Variants in GALNT17 observed in about 807,000 individuals in gnomAD.
GALNT17 encodes UDP-GalNAc:polypeptide N-acetylgalactosaminyltransferase-like 3.
In GALNT17, 29 loss-of-function variants were observed where a neutral mutation model predicts 63.7. The ratio of observed to expected loss-of-function variants is 0.46; its 90% CI spans 0.34 to 0.62. The LOEUF is 0.62. Ranked by LOEUF, GALNT17 falls within the 20% of genes least tolerant of loss-of-function variation. The pLI is 0.01. For synonymous variants in GALNT17, 305 were observed against 318.3 expected, an observed-to-expected ratio of 0.96 and a Z score of 0.45; for missense variants, 603 against 799.6, an observed-to-expected ratio of 0.75 and a Z score of 2.97.
rs553833126 is a variant in GALNT17 at position 71,703,842 on chromosome 7, G to A, written c.1501-6919G>A. 2.0e-5 allele frequency among the ~76,000 whole-genome samples: 3 copies of A among 152,330 alleles called. No homozygotes were observed. In the East Asian group the frequency reaches 5.8e-4, roughly 29 times the overall value. ...GTCAGAGACCGAAGGAAATGAGAGT[G>A]AAGGAAGACAGGTTTTTGAGAAGTA... On this transcript the variant is annotated intron_variant, in intron 9 of 10. Coordinates refer to ENST00000333538, the MANE Select transcript of GALNT17 (RefSeq NM_022479.3).
chr7:71,485,757 G>A (rs1488075994), intron 5 of GALNT17, among the ~76,000 whole-genome samples: 1 of 152,154 alleles, frequency 6.6e-6, no homozygotes, highest in Non-Finnish European at 1.5e-5. Flanking sequence ...CCTCCTGTGG[G>A]TTCTGACATT....
chr7:71,637,822 C>T (rs528706726), intron 6 of GALNT17, among the ~76,000 whole-genome samples: 25 of 152,178 alleles, frequency 1.6e-4, no homozygotes, highest in African/African-American at 6.0e-4. Context: ...AAAGGGGTCC[C>T]GATCCAGAGG....
At chr7:71,155,732 A>G (rs1302071113) in intron 1 of GALNT17, among the ~76,000 whole-genome samples, 1 of 151,818 alleles carries the variant, frequency 6.6e-6, no homozygotes, top group Non-Finnish European at 1.5e-5. Flanking sequence ...TAAATAACAC[A>G]TCCTGGAAAC....
intron 5 of GALNT17, among the ~76,000 whole-genome samples, chr7:71,502,458 C>T (rs1788196427): frequency 6.6e-6 from 1 of 152,172 alleles, no homozygotes; most frequent in South Asian, 2.1e-4. Flanking sequence ...TGTCCTTCTT[C>T]ACATGATGGC....
intron 2 of GALNT17, among the ~76,000 whole-genome samples, chr7:71,379,610 T>C (rs981551260): frequency 6.6e-6 from 1 of 151,946 alleles, no homozygotes; most frequent in African/African-American, 2.4e-5. Flanking sequence ...ATCTGCAGGA[T>C]TTGGTGACCG....
intron 2 of GALNT17, among the ~76,000 whole-genome samples, chr7:71,347,807 AGGT>A (rs1792122155): frequency 1.3e-5 from 2 of 152,086 alleles, no homozygotes; most frequent in African/African-American, 4.8e-5. Context: ...GGATGTTCTG[AGGT>A]CATGGGAGAC....
intron 6 of GALNT17, among the ~76,000 whole-genome samples, chr7:71,581,719 A>G (rs187227268): frequency 5.9e-5 from 9 of 152,302 alleles, no homozygotes; most frequent in Admixed American, 3.3e-4. Context: ...ACTGACTGCA[A>G]TCCCCTAAAT....
chr7:71,329,251 G>C (rs980640956), intron 1 of GALNT17, among the ~76,000 whole-genome samples: 1 of 152,120 alleles, frequency 6.6e-6, no homozygotes, highest in Non-Finnish European at 1.5e-5. Context: ...GTGAGGGGAA[G>C]TTAGCAAGTA....
At chr7:71,568,342 C>T (rs554266532) in intron 5 of GALNT17, among the ~76,000 whole-genome samples, 7 of 152,114 alleles carry the variant, frequency 4.6e-5, no homozygotes, top group East Asian at 3.9e-4. Flanking sequence ...AGTGCATACA[C>T]GAGATGTGCG....
intron 5 of GALNT17, among the ~76,000 whole-genome samples, chr7:71,535,001 A>C (rs1217803516): frequency 6.6e-6 from 1 of 152,130 alleles, no homozygotes; most frequent in South Asian, 2.1e-4. Context: ...TTCTGTACAA[A>C]GAGAGGAGAA....
intron 5 of GALNT17, among the ~76,000 whole-genome samples, chr7:71,565,668 A>G (rs1359322409): frequency 6.6e-6 from 1 of 152,022 alleles, no homozygotes; most frequent in Non-Finnish European, 1.5e-5. Context: ...ATGAGAAATG[A>G]CAGGCATAAC....
chr7:71,599,578 A>G (rs1261865370), intron 6 of GALNT17, among the ~76,000 whole-genome samples: 3 of 152,006 alleles, frequency 2.0e-5, no homozygotes, highest in African/African-American at 7.2e-5. Context: ...TTTTAAGCCT[A>G]GGCTGTTTCT....
intron 5 of GALNT17, among the ~76,000 whole-genome samples, chr7:71,535,098 A>C (rs928298774): frequency 3.3e-5 from 5 of 152,164 alleles, no homozygotes; most frequent in African/African-American, 1.2e-4. Context: ...CTTTGGACCA[A>C]TGGGAAGATG....
In GALNT17 at chr7:71,234,978, C is replaced by T. The variant is rs142685209; in HGVS notation, c.239-100572C>T. Among the ~76,000 whole-genome samples the T allele has an allele frequency of 4.5e-4, 69 of 152,238 alleles. No individual in the cohort carries two copies. In the East Asian group the frequency reaches 0.012, roughly 27 times the overall value. On this transcript the variant is annotated intron_variant, in intron 1 of 10. Coordinates refer to ENST00000333538, the MANE Select transcript of GALNT17 (RefSeq NM_022479.3). ...AAAGTTCGGTCTGTTCAGCGGGGCG[C>T]GGTGGCTCATGCCTGTAATCCTAGC...
At chr7:71,358,482 G>A (rs534885864) in intron 2 of GALNT17, among the ~76,000 whole-genome samples, 6 of 152,308 alleles carry the variant, frequency 3.9e-5, no homozygotes, top group Middle Eastern at 3.4e-3. Flanking sequence ...CACTTAAGCT[G>A]AGTTTCCCCT....
chr7:71,515,266 C>A (rs1308172502), intron 5 of GALNT17, among the ~76,000 whole-genome samples: 1 of 152,110 alleles, frequency 6.6e-6, no homozygotes, highest in Non-Finnish European at 1.5e-5. Context: ...GTTGGCATTG[C>A]ATTTCTGGGA....
At chr7:71,268,116 A>G (rs1173800080) in intron 1 of GALNT17, among the ~76,000 whole-genome samples, 2 of 152,156 alleles carry the variant, frequency 1.3e-5, no homozygotes, top group East Asian at 1.9e-4. Context: ...CCTGGATGGC[A>G]CTTCTCTCTA....
chr7:71,386,990 G>C (rs188960341), intron 2 of GALNT17, among the ~76,000 whole-genome samples: 58 of 152,070 alleles, frequency 3.8e-4, no homozygotes, highest in African/African-American at 1.3e-3. Flanking sequence ...TGAAACAAAG[G>C]GTTTGAGTGC....
At chr7:71,162,282 T>C (rs988737357) in intron 1 of GALNT17, among the ~76,000 whole-genome samples, 2 of 152,104 alleles carry the variant, frequency 1.3e-5, no homozygotes, top group African/African-American at 4.8e-5. Flanking sequence ...TAATGTATTT[T>C]CAGAGATCTT....
Sources: gnomAD v4.1 joint callset for allele counts (sites outside exome capture counted in the v4.1 genomes callset) on GRCh38, gnomAD v4.1.1 for gene constraint, MANE v1.5 for transcripts, NCBI Gene and HGNC (gene_info 2026-07-23, HGNC 2026-07-21) for gene names.